TMEM234: variants seen among roughly 807,000 people sequenced by gnomAD.
The protein encoded by TMEM234 is transmembrane protein 234.
A neutral mutation model predicts 17.8 loss-of-function variants in TMEM234; 21 were observed. The observed-to-expected ratio is 1.18, with a 90% confidence interval of 0.84 to 1.70. TMEM234 has a LOEUF of 1.70. Among genes scored for constraint, TMEM234 ranks in the 40% most tolerant of loss-of-function variants. The pLI, the probability that TMEM234 is intolerant of heterozygous loss-of-function variation, is 0.00. For missense variants in TMEM234, 137 were observed against 166.9 expected (o/e 0.82, Z 0.99); for synonymous variants, 83 against 73.5 (o/e 1.13, Z -0.66).
At chr1:32,219,800 A>G (rs1638729727) in intron 3 of TMEM234, among the ~76,000 whole-genome samples, 1 of 152,154 alleles carries the variant, frequency 6.6e-6, no homozygotes, top group Non-Finnish European at 1.5e-5. Flanking sequence ...GGAGTGAGGC[A>G]GATCTGAGTT....
At chr1:32,215,081 G>GA, downstream of TMEM234, 3 of 1,164,496 alleles carry the variant, frequency 2.6e-6, no homozygotes, top group Non-Finnish European at 3.5e-6. Flanking sequence ...AAAGGAGTCT[G>GA]AACCTACTGT....
intron 3 of TMEM234, chr1:32,217,560 C>A: frequency 8.7e-7 from 1 of 1,144,754 alleles, no homozygotes. Context: ...GACCTGAACT[C>A]TGAGGTCTGG....
Position 32,221,853 on chromosome 1 carries a change from TCA to T in TMEM234, c.168+12_168+13del. On this transcript the variant is annotated intron_variant, in intron 2 of 4. Coordinates refer to ENST00000309777, the MANE Select transcript of TMEM234 (RefSeq NM_019118.5). ...GCAACTCCACCGAGAGAGGGGCCTTTCACAGAGACGCACCTCAGTATTCAAGA... is the reference window on the plus strand; with the variant it reads ...GCAACTCCACCGAGAGAGGGGCCTTTCAGAGACGCACCTCAGTATTCAAGA... 6.2e-7 allele frequency: 1 copy of T among 1,612,694 alleles called. No homozygotes were observed. Among genetic ancestry groups the T allele is most frequent in the Non-Finnish European group, 8.5e-7 (1 of 1,179,910 alleles).
downstream of TMEM234, chr1:32,215,655 G>T: frequency 8.7e-7 from 1 of 1,143,022 alleles, no homozygotes; most frequent in Non-Finnish European, 1.2e-6. Context: ...GAAAGTAAAT[G>T]ATCTCCTAAC....
Position 32,220,046 on chromosome 1 carries a change from A to C in TMEM234, c.235+1085T>G, listed in dbSNP as rs114569084. On this transcript the variant is annotated intron_variant, in intron 3 of 4. Transcript: ENST00000309777. ...AGGGTAATGAGATAAAAAGAACCTA[A>C]AACTGCAATTTGATTAAAACTTGGT... Among the ~76,000 whole-genome samples the C allele has an allele frequency of 9.7e-3, 1,472 of 152,316 alleles. 36 individuals are homozygous for C. The highest frequency in any genetic ancestry group is 0.033 in the African/African-American group (1,370 of 41,556).
chr1:32,216,341 G>T lies in TMEM234; in HGVS notation c.*512C>A. 6.5e-7 allele frequency: 1 copy of T among 1,544,096 alleles called. No individual in the cohort carries two copies. On this transcript the variant is annotated 3_prime_UTR_variant, in exon 5 of 5. Coordinates refer to ENST00000309777, the MANE Select transcript of TMEM234 (RefSeq NM_019118.5). ...CTACCTCATGGGTGGGGCAGGCAAG[G>T]CTAATAGACAGCTCATTTCCTGCAT...
chr1:32,222,245 G>A lies in TMEM234; in HGVS notation c.16+62C>T, dbSNP rs1638998165. Reference sequence around the variant, plus strand: ...GTCGGGGTTAGAGGGTGGATGTGGAGCAGGAAATGAATTCGAGGCGAGGGT... The same window carrying A: ...GTCGGGGTTAGAGGGTGGATGTGGAACAGGAAATGAATTCGAGGCGAGGGT... On this transcript the variant is annotated intron_variant, in intron 1 of 4. Coordinates refer to ENST00000309777, the MANE Select transcript of TMEM234 (RefSeq NM_019118.5). 2.6e-6 allele frequency: 4 copies of A among 1,527,782 alleles called. No individual in the cohort carries two copies. In the Admixed American group the frequency reaches 6.4e-5, roughly 24 times the overall value. The allele number at this position is 1,527,782 out of a possible 1,614,324, so 94.6% of individuals were successfully genotyped here. A position where few individuals can be genotyped will look rare whatever the true frequency, so the allele number is the denominator to read the frequency against.
At chr1:32,216,001 C>A, downstream of TMEM234, 1 of 978,256 alleles carries the variant, frequency 1.0e-6, no homozygotes, top group South Asian at 1.4e-5. Context: ...CCGCTGGGCT[C>A]ACAGGGTACA....
intron 3 of TMEM234, chr1:32,217,647 G>T: frequency 1.8e-6 from 1 of 568,674 alleles, no homozygotes; most frequent in Non-Finnish European, 3.2e-6. Flanking sequence ...ACATCTGGAC[G>T]GACAGGCAGG....
At chr1:32,215,649 G>C (rs1484013888), downstream of TMEM234, 8 of 1,162,554 alleles carry the variant, frequency 6.9e-6, no homozygotes, top group Non-Finnish European at 8.5e-6. Context: ...GTGATTGAAA[G>C]TAAATGATCT....
At chr1:32,217,461 A>T in intron 3 of TMEM234, 110 bp from the exon 4 acceptor site, 1 of 1,554,528 alleles carries the variant, frequency 6.4e-7, no homozygotes, top group Non-Finnish European at 8.7e-7. Flanking sequence ...TCAAAACCCC[A>T]TCTTCCAGAT....
chr1:32,216,957 T>A lies in TMEM234; in HGVS notation c.329-10A>T, dbSNP rs12129323. 4 of 1,614,128 alleles carry A rather than the reference T, an allele frequency of 2.5e-6. No homozygotes were observed. Among genetic ancestry groups the A allele is most frequent in the Middle Eastern group, 1.6e-4 (1 of 6,062 alleles). Reference sequence around the variant, plus strand: ...ATGCCAGCAACTGCTCCTGGGATAATAGGCAGAAATCAGGAGGGTCTGAGC... The same window carrying A: ...ATGCCAGCAACTGCTCCTGGGATAAAAGGCAGAAATCAGGAGGGTCTGAGC... On this transcript the variant is annotated splice_polypyrimidine_tract_variant and intron_variant, in intron 4 of 4. Transcript: ENST00000309777.
rs1305644235 is a variant in TMEM234, at chr1:32,222,295, C to T, written c.16+12G>A. 2.6e-6 allele frequency: 4 copies of T among 1,549,874 alleles called. No homozygotes were observed. Among genetic ancestry groups the T allele is most frequent in the African/African-American group, 2.8e-5 (2 of 72,618 alleles). ...TCGGGAAATCCATGGAAGGGCGGGG[C>T]CGGCTACCTACCCAGAGACGCCGCC... is the stretch of plus-strand genomic sequence containing the variant. On this transcript the variant is annotated intron_variant, in intron 1 of 4. Coordinates refer to ENST00000309777, the MANE Select transcript of TMEM234 (RefSeq NM_019118.5).
intron 2 of TMEM234, 131 bp from the exon 3 acceptor site, chr1:32,221,328 T>A: frequency 2.8e-6 from 2 of 702,692 alleles, no homozygotes; most frequent in South Asian, 3.4e-5. Flanking sequence ...CTAATCCCTC[T>A]AAGGAGGATC....
At chr1:32,215,571 G>T (rs950081627), downstream of TMEM234, 24 of 1,603,572 alleles carry the variant, frequency 1.5e-5, no homozygotes, top group Non-Finnish European at 2.0e-5. Flanking sequence ...GAAACAGTAT[G>T]TTGGGGTGGG....
At chr1:32,221,316 C>T (rs1638887328) in intron 2 of TMEM234, 119 bp from the exon 3 acceptor site, 2 of 761,550 alleles carry the variant, frequency 2.6e-6, no homozygotes, top group South Asian at 3.1e-5. Context: ...ACCCAGAGAA[C>T]ACTAATCCCT....
chr1:32,218,196 G>A (rs953858100), intron 3 of TMEM234, among the ~76,000 whole-genome samples: 6 of 152,150 alleles, frequency 3.9e-5, no homozygotes, highest in Non-Finnish European at 8.8e-5. Context: ...AGGCTGAGGC[G>A]GGCGGATCAC....
At chr1:32,216,185 C>G (rs1361982487), downstream of TMEM234, 2 of 830,322 alleles carry the variant, frequency 2.4e-6, no homozygotes, top group Non-Finnish European at 3.7e-6. Context: ...TAAAAGAATA[C>G]TTACTAACCT....
chr1:32,220,597 CAG>C (rs1638807765), intron 3 of TMEM234, among the ~76,000 whole-genome samples: 3 of 152,184 alleles, frequency 2.0e-5, no homozygotes, highest in Admixed American at 1.3e-4. Context: ...ATCTGCTTTA[CAG>C]AGTCATGATT....
Sources: gnomAD v4.1 joint callset for allele counts (sites outside exome capture counted in the v4.1 genomes callset) on GRCh38, gnomAD v4.1.1 for gene constraint, MANE v1.5 for transcripts, NCBI Gene and HGNC (gene_info 2026-07-23, HGNC 2026-07-21) for gene names.